Variants in MAML3 observed in about 807,000 individuals in gnomAD.
MAML3 encodes the protein mastermind-like protein 3.
Under a neutral mutation model 101.9 loss-of-function variants are expected in MAML3, and 27 were observed. The ratio of observed to expected loss-of-function variants is 0.27; its 90% CI spans 0.20 to 0.37. The LOEUF is 0.37. Ranked by LOEUF, MAML3 falls within the 10% of genes least tolerant of loss-of-function variation. The pLI is 1.00. For missense variants in MAML3, 1,316 were observed against 1,444.9 expected, an observed-to-expected ratio of 0.91 and a Z score of 1.45; for synonymous variants, 501 against 555.9, an observed-to-expected ratio of 0.90 and a Z score of 1.39.
chr4:139,959,892 C>T (rs1045604284), intron 1 of MAML3, among the ~76,000 whole-genome samples: 1 of 152,126 alleles, frequency 6.6e-6, no homozygotes, highest in Non-Finnish European at 1.5e-5. Flanking sequence ...TAGATCATTA[C>T]AGGAGATAAC....
chr4:139,838,491 TG>T (rs1157775605), intron 2 of MAML3, among the ~76,000 whole-genome samples: 1 of 152,144 alleles, frequency 6.6e-6, no homozygotes, highest in East Asian at 1.9e-4. Context: ...CTCCCTGCTT[TG>T]TTTAGTTTGA....
rs1365247499 is a variant in MAML3 at position 139,864,714 on chromosome 4, G to GAATGATA, written c.2079+24636_2079+24642dup. ...AAAAAAAAAAAGAAAAAGAAATCTTGAATGATAAATTCCTGATGACTAAAA... is the reference window on the plus strand; with the variant it reads ...AAAAAAAAAAAGAAAAAGAAATCTTGAATGATAAATGATAAATTCCTGATGACTAAAA... On this transcript the variant is annotated intron_variant, in intron 2 of 4. Transcript: ENST00000509479. Among the ~76,000 whole-genome samples the GAATGATA allele has an allele frequency of 4.3e-4, 58 of 135,800 alleles. 1 individual carries two copies. In the Middle Eastern group the frequency reaches 0.012, roughly 27 times the overall value. The allele number at this position is 135,800 out of a possible 152,430, so 89.1% of individuals were successfully genotyped here. A position where few individuals can be genotyped will look rare whatever the true frequency, so the allele number is the denominator to read the frequency against.
At chr4:139,940,667 C>A (rs139260866) in intron 1 of MAML3, among the ~76,000 whole-genome samples, 1 of 152,304 alleles carries the variant, frequency 6.6e-6, no homozygotes, top group Non-Finnish European at 1.5e-5. Flanking sequence ...TGTTCAAAAC[C>A]AGACCCCTTT....
chr4:139,723,567 C>T (rs886147231), intron 4 of MAML3, among the ~76,000 whole-genome samples: 2 of 152,174 alleles, frequency 1.3e-5, no homozygotes, highest in Non-Finnish European at 2.9e-5. Context: ...CCGCCTCGGC[C>T]TCCCAACGTG....
In MAML3 at chr4:139,890,496, C is replaced by A; in HGVS notation, c.940G>T (p.Asp314Tyr). ...LNDQEWQELI[D>Y]ELANTVPEDD... ...TCAGGAACCGTGTTGGCCAATTCAT[C>A]TATTAATTCTTGCCACTCCTGATCA... The change falls in exon 2 of 5, where the codon GAT (aspartate) becomes TAT (tyrosine). Residue 314 changes from aspartate (D) to tyrosine (Y), a missense_variant. Transcript: ENST00000509479. This position sits in a 1 kb window ranked among gnomAD's most constrained non-coding sequence, Gnocchi z 4.1. The A allele has an allele frequency of 3.1e-6, 5 of 1,614,032 alleles. No individual in the cohort carries two copies. Among genetic ancestry groups the A allele is most frequent in the Non-Finnish European group, 4.2e-6 (5 of 1,179,896 alleles).
chr4:139,748,399 AG>A (rs1221372149), intron 2 of MAML3, among the ~76,000 whole-genome samples: 1 of 152,246 alleles, frequency 6.6e-6, no homozygotes, highest in Non-Finnish European at 1.5e-5. Flanking sequence ...AGGAGGGTCT[AG>A]AAATGGAAAG....
intron 2 of MAML3, among the ~76,000 whole-genome samples, chr4:139,865,567 C>G (rs808739): frequency 0.83 from 124,605 of 150,842 alleles, 52,029 homozygotes; most frequent in African/African-American, 0.95. Context: ...TAGAAGTGGT[C>G]CAGGTTCTGG....
At chr4:139,959,389 C>A (rs975271889) in intron 1 of MAML3, among the ~76,000 whole-genome samples, 21 of 152,092 alleles carry the variant, frequency 1.4e-4, no homozygotes, top group African/African-American at 5.1e-4. Context: ...ATCCTTATTC[C>A]AAGGCTTCCA....
rs1729201073 is a variant in MAML3, at chr4:140,152,914, G to A, written c.414C>T (p.Pro138=). ...GTGKQQHPSK[P]QQDAEAASAE... ...CCGAGGCAGCCTCCGCATCTTGCTG[G>A]GGTTTGCTCGGGTGCTGCTGTTTGC... The change falls in exon 1 of 5, where the codon CCC becomes CCT. Residue 138 remains proline, a synonymous_variant. Transcript: ENST00000509479. The A allele has an allele frequency of 1.2e-6, 2 of 1,612,754 alleles. No homozygotes were observed. Among genetic ancestry groups the A allele is most frequent in the East Asian group, 2.2e-5 (1 of 44,840 alleles).
chr4:139,886,035 A>G (rs1294056778), intron 2 of MAML3, among the ~76,000 whole-genome samples: 2 of 151,568 alleles, frequency 1.3e-5, no homozygotes, highest in Admixed American at 6.6e-5. Context: ...CTCAGAGAAG[A>G]TTCAAAAACT....
chr4:139,976,104 G>C (rs1734335012), intron 1 of MAML3, among the ~76,000 whole-genome samples: 2 of 152,174 alleles, frequency 1.3e-5, no homozygotes, highest in African/African-American at 2.4e-5. Flanking sequence ...GAAGGAAGTG[G>C]GAAATGTGTA....
chr4:139,817,179 T>C (rs1177747913), intron 2 of MAML3, among the ~76,000 whole-genome samples: 1 of 152,202 alleles, frequency 6.6e-6, no homozygotes, highest in Admixed American at 6.5e-5. Context: ...TCTTCTGTTG[T>C]TCAAATGCTT....
At chr4:140,031,375 A>T (rs1726905236) in intron 1 of MAML3, among the ~76,000 whole-genome samples, 1 of 152,214 alleles carries the variant, frequency 6.6e-6, no homozygotes, top group African/African-American at 2.4e-5. Flanking sequence ...ATAAATATTT[A>T]AAAATGGACT....
At position 140,050,134 on chromosome 4, in the gene MAML3, A is replaced by G. The variant is rs531173902; in HGVS notation, c.468+102726T>C. Among the ~76,000 whole-genome samples the G allele has an allele frequency of 1.1e-3, 166 of 152,290 alleles. 1 individual carries two copies. Among genetic ancestry groups the G allele is most frequent in the Middle Eastern group, 6.8e-3 (2 of 294 alleles). On this transcript the variant is annotated intron_variant, in intron 1 of 4. Transcript: ENST00000509479. ...ACAGGGCTCATTGCCAATAACAACA[A>G]GGAAATGTATTCTGCTATTCCATAT...
At chr4:139,865,269 C>G (rs190292921) in intron 2 of MAML3, among the ~76,000 whole-genome samples, 63 of 152,028 alleles carry the variant, frequency 4.1e-4, no homozygotes, top group Non-Finnish European at 7.4e-4. Context: ...GTTGTGTTTT[C>G]TTTTAGGGGA....
intron 3 of MAML3, 174 bp downstream of exon 3, chr4:139,730,242 A>G: frequency 1.6e-6 from 1 of 634,860 alleles, no homozygotes; most frequent in Non-Finnish European, 2.7e-6. Context: ...TATAGGAAAA[A>G]CCCTAACTAA....
intron 2 of MAML3, chr4:139,731,027 C>G (rs759114196): frequency 7.7e-6 from 2 of 258,910 alleles, no homozygotes; most frequent in African/African-American, 4.3e-5. Context: ...GTCTGGAACA[C>G]GAGACACATC....
intron 2 of MAML3, among the ~76,000 whole-genome samples, chr4:139,798,036 GAA>G (rs1458498318): frequency 0.055 from 434 of 7,824 alleles, 4 homozygotes; most frequent in African/African-American, 0.099. Flanking sequence ...GAGAGAGAGA[GAA>G]AGAAAGAAAG....
intron 1 of MAML3, among the ~76,000 whole-genome samples, chr4:140,032,667 A>G (rs1194204561): frequency 1.3e-5 from 2 of 152,164 alleles, no homozygotes; most frequent in African/African-American, 2.4e-5. Flanking sequence ...TCTGAAGGGC[A>G]TTTGGCAGTA....
Sources: allele counts gnomAD v4.1 joint callset (sites outside exome capture counted in the v4.1 genomes callset), GRCh38; gene constraint gnomAD v4.1.1; non-coding constraint Gnocchi (gnomAD v3.1); transcripts MANE v1.5; gene names NCBI Gene and HGNC (gene_info 2026-07-23, HGNC 2026-07-21).